PDZRN4: variants seen among roughly 807,000 people sequenced by gnomAD.
PDZRN4 encodes PDZ domain containing ring finger 4, also known as PDZ domain-containing RING finger protein 4.
In PDZRN4, 70 loss-of-function variants were observed where a neutral mutation model predicts 99.0. That is an observed-to-expected ratio of 0.71 (90% CI 0.58 to 0.86). PDZRN4 has a LOEUF of 0.86. PDZRN4 is among the 40% of genes least tolerant of loss of function. PDZRN4 has a pLI of 0.00. For synonymous variants in PDZRN4, 551 were observed against 501.6 expected, an observed-to-expected ratio of 1.10 and a Z score of -1.32; for missense variants, 1,474 against 1,331.2, an observed-to-expected ratio of 1.11 and a Z score of -1.67.
At chr12:41,349,945 C>T (rs1472023708) in intron 3 of PDZRN4, among the ~76,000 whole-genome samples, 1 of 151,182 alleles carries the variant, frequency 6.6e-6, no homozygotes, top group African/African-American at 2.4e-5. Context: ...CAAATAACAC[C>T]ACATGGTTGG....
At chr12:41,210,001 A>T (rs531111662) in intron 3 of PDZRN4, among the ~76,000 whole-genome samples, 14 of 151,886 alleles carry the variant, frequency 9.2e-5, no homozygotes, top group African/African-American at 3.4e-4. Context: ...CATCCTCTCC[A>T]GCACCTGTTG....
chr12:41,492,308 C>A (rs1252467895), intron 3 of PDZRN4, among the ~76,000 whole-genome samples: 1 of 152,142 alleles, frequency 6.6e-6, no homozygotes, highest in East Asian at 1.9e-4. Flanking sequence ...GAAGAAAGAA[C>A]TATTAGATAA....
At position 41,432,551 on chromosome 12, in the gene PDZRN4, A is replaced by G. The variant is rs1952593946; in HGVS notation, c.844-73905A>G. Among the ~76,000 whole-genome samples the G allele has an allele frequency of 5.9e-5, 9 of 152,226 alleles. No homozygotes were observed. In the South Asian group the frequency reaches 1.9e-3, roughly 31 times the overall value. ...ATTAAAGGCACAGAATGTGAAAGGT[A>G]CAATTCTATGAGTTTTGGGGGCTCA... On this transcript the variant is annotated intron_variant, in intron 3 of 9. Coordinates refer to ENST00000402685, the MANE Select transcript of PDZRN4 (RefSeq NM_001164595.2).
chr12:41,377,434 G>A (rs1481305588), intron 3 of PDZRN4, among the ~76,000 whole-genome samples: 2 of 152,150 alleles, frequency 1.3e-5, no homozygotes, highest in African/African-American at 2.4e-5. Context: ...GGAGGCCAAG[G>A]CGGGCGGATC....
chr12:41,277,605 C>G (rs1357793042), intron 3 of PDZRN4, among the ~76,000 whole-genome samples: 1 of 152,188 alleles, frequency 6.6e-6, no homozygotes, highest in African/African-American at 2.4e-5. Flanking sequence ...ATGATTGACT[C>G]TGTAGACCAG....
chr12:41,243,164 C>T (rs917625782), intron 3 of PDZRN4, among the ~76,000 whole-genome samples: 23 of 152,136 alleles, frequency 1.5e-4, no homozygotes, highest in Non-Finnish European at 3.2e-4. Context: ...TTCATTTTGC[C>T]TGAAGAATGT....
intron 3 of PDZRN4, among the ~76,000 whole-genome samples, chr12:41,234,677 A>C (rs1219887354): frequency 6.6e-6 from 1 of 152,032 alleles, no homozygotes; most frequent in East Asian, 1.9e-4. Flanking sequence ...ATGCATAAAA[A>C]CCCTAAAGGA....
chr12:41,209,744 C>G (rs1219620123), intron 3 of PDZRN4, among the ~76,000 whole-genome samples: 2 of 148,996 alleles, frequency 1.3e-5, no homozygotes, highest in African/African-American at 2.5e-5. Flanking sequence ...TCCAGTCTAT[C>G]GTTGTTGGAC....
chr12:41,412,967 G>A (rs12314242), intron 3 of PDZRN4: 14,826 of 152,066 alleles, frequency 0.097, 1,879 homozygotes, highest in African/African-American at 0.28. Flanking sequence ...GCATGTGCCT[G>A]TAATCCCAGC....
chr12:41,229,322 A>T (rs1951014546), intron 3 of PDZRN4, among the ~76,000 whole-genome samples: 1 of 152,024 alleles, frequency 6.6e-6, no homozygotes, highest in Non-Finnish European at 1.5e-5. Context: ...CTATTCAAAT[A>T]AAACAGAGTG....
At chr12:41,563,865 C>T (rs565383391) in intron 8 of PDZRN4, among the ~76,000 whole-genome samples, 2 of 152,250 alleles carry the variant, frequency 1.3e-5, no homozygotes, top group East Asian at 1.9e-4. Context: ...ACAATAAAGA[C>T]TGATCTTTCC....
intron 3 of PDZRN4, among the ~76,000 whole-genome samples, chr12:41,288,367 T>A (rs966819147): frequency 6.6e-6 from 1 of 152,172 alleles, no homozygotes; most frequent in African/African-American, 2.4e-5. Flanking sequence ...GTGTTTAGAC[T>A]GGCTCCGATT....
In PDZRN4 at chr12:41,509,220, G is replaced by A. The variant is rs1041179062; in HGVS notation, c.1101-591G>A. 1.2e-4 allele frequency among the ~76,000 whole-genome samples: 18 copies of A among 152,150 alleles called. No individual in the cohort carries two copies. The East Asian group carries it at 3.3e-3, about 28-fold the overall frequency. On this transcript the variant is annotated intron_variant, in intron 4 of 9. Coordinates refer to ENST00000402685, the MANE Select transcript of PDZRN4 (RefSeq NM_001164595.2). ...TTTCCACTGATTGATCGCCATGAAT[G>A]TTCTTTAATATTTGTGTATATGTCC...
intron 5 of PDZRN4, among the ~76,000 whole-genome samples, chr12:41,548,944 C>T (rs1486164331): frequency 2.0e-5 from 3 of 152,172 alleles, no homozygotes; most frequent in African/African-American, 4.8e-5. Flanking sequence ...TAATCAATTT[C>T]TCACAATATT....
intron 3 of PDZRN4, among the ~76,000 whole-genome samples, chr12:41,276,338 C>T (rs1160389852): frequency 6.6e-6 from 1 of 151,968 alleles, no homozygotes; most frequent in African/African-American, 2.4e-5. Context: ...CAAATAAGCT[C>T]TTCTCTGGTG....
rs533389241 is a variant in PDZRN4, at chr12:41,297,795, T to G, written c.843+103607T>G. Among the ~76,000 whole-genome samples, 4 of 152,264 alleles carry G rather than the reference T, an allele frequency of 2.6e-5. No individual in the cohort carries two copies. In the East Asian group the frequency reaches 5.8e-4, roughly 22 times the overall value. ...GATTCTCAAGCACTCAGTCATTTAG[T>G]TGGGGTAAAAGAACACAAAAAATTA... On this transcript the variant is annotated intron_variant, in intron 3 of 9. Transcript: ENST00000402685.
intron 3 of PDZRN4, among the ~76,000 whole-genome samples, chr12:41,363,913 C>T (rs1371451520): frequency 1.3e-5 from 2 of 152,024 alleles, no homozygotes; most frequent in African/African-American, 4.8e-5. Flanking sequence ...GGAACTTCTT[C>T]AACTTAGCAG....
intron 3 of PDZRN4, among the ~76,000 whole-genome samples, chr12:41,404,260 C>T (rs1462558999): frequency 6.6e-6 from 1 of 151,954 alleles, no homozygotes; most frequent in African/African-American, 2.4e-5. Flanking sequence ...GTAAACATGG[C>T]CATAGAAATG....
intron 3 of PDZRN4, among the ~76,000 whole-genome samples, chr12:41,416,266 T>G (rs1952444668): frequency 6.6e-6 from 1 of 152,226 alleles, no homozygotes; most frequent in Non-Finnish European, 1.5e-5. Context: ...AGGTAACATT[T>G]TTCTTCTGTT....
Sources: allele counts gnomAD v4.1 joint callset (sites outside exome capture counted in the v4.1 genomes callset), GRCh38; gene constraint gnomAD v4.1.1; transcripts MANE v1.5; gene names NCBI Gene and HGNC (gene_info 2026-07-23, HGNC 2026-07-21).